Variants in ARID4B observed in about 807,000 individuals in gnomAD.
ARID4B encodes AT-rich interaction domain 4B, also known as AT-rich interactive domain-containing protein 4B.
A neutral mutation model predicts 147.5 loss-of-function variants in ARID4B; 26 were observed. The ratio of observed to expected loss-of-function variants is 0.18; its 90% CI spans 0.13 to 0.24. The LOEUF (loss-of-function observed/expected upper bound fraction) is 0.24, where lower values mean the gene tolerates loss of function less well. ARID4B is among the 10% of genes least tolerant of loss of function. The pLI is 1.00. For synonymous variants in ARID4B, 512 were observed against 507.9 expected (o/e 1.01, Z -0.11); for missense variants, 1,179 against 1,511.5 (o/e 0.78, Z 3.65).
intron 13 of ARID4B, among the ~76,000 whole-genome samples, chr1:235,221,937 T>A (rs1667502344): frequency 7.2e-6 from 1 of 139,626 alleles, no homozygotes; most frequent in Non-Finnish European, 1.5e-5. Context: ...AGGATCTTAT[T>A]CTATTGCCTA....
In ARID4B at chr1:235,195,903, A is replaced by T. The variant is rs564893099; in HGVS notation, c.1926+128T>A. On this transcript the variant is annotated intron_variant, in intron 18 of 23. Transcript: ENST00000264183. Reference sequence around the variant, plus strand: ...TCCCTAACCTGACAAAATTAATTATATACAAATCTAGCATTTGAAAAATGT... The same window carrying T: ...TCCCTAACCTGACAAAATTAATTATTTACAAATCTAGCATTTGAAAAATGT... 3.6e-4 allele frequency: 229 copies of T among 628,148 alleles called. 2 individuals are homozygous for T. The South Asian group carries it at 4.3e-3, about 12-fold the overall frequency. The allele number at this position is 628,148 out of a possible 1,614,324, so 38.9% of individuals were successfully genotyped here.
intron 7 of ARID4B, among the ~76,000 whole-genome samples, chr1:235,241,425 C>A (rs1206155203): frequency 3.3e-5 from 5 of 152,132 alleles, no homozygotes; most frequent in African/African-American, 1.2e-4. Flanking sequence ...CTAGTATACT[C>A]TGAAGTTGTC....
chr1:235,172,016 T>C (rs1391677823), intron 23 of ARID4B, among the ~76,000 whole-genome samples: 2 of 152,206 alleles, frequency 1.3e-5, no homozygotes, highest in Admixed American at 1.3e-4. Context: ...CCATTTGTAA[T>C]CTAAAGTAAC....
chr1:235,192,486 A>T (rs528910163), intron 19 of ARID4B, among the ~76,000 whole-genome samples: 201 of 152,144 alleles, frequency 1.3e-3, no homozygotes, highest in African/African-American at 4.7e-3. Flanking sequence ...AAATCAATTT[A>T]AAAATATTGC....
intron 16 of ARID4B, among the ~76,000 whole-genome samples, chr1:235,214,837 CT>C (rs10657168): frequency 3.9e-4 from 40 of 102,324 alleles, no homozygotes; most frequent in African/African-American, 1.2e-3. Context: ...GTATTACATC[CT>C]TTTTTTTTTT....
At chr1:235,206,658 C>T (rs959911506) in intron 17 of ARID4B, among the ~76,000 whole-genome samples, 2 of 152,158 alleles carry the variant, frequency 1.3e-5, no homozygotes, top group African/African-American at 2.4e-5. Context: ...AAGCATATCA[C>T]GGAAGGAGTG....
chr1:235,316,279 G>A (rs374167484), intron 2 of ARID4B, among the ~76,000 whole-genome samples: 13 of 151,508 alleles, frequency 8.6e-5, no homozygotes, highest in Admixed American at 5.3e-4. Flanking sequence ...AGGCTGAGGC[G>A]GGCGGATCAC....
At chr1:235,294,664 T>C (rs1672570129) in intron 2 of ARID4B, among the ~76,000 whole-genome samples, 1 of 150,288 alleles carries the variant, frequency 6.7e-6, no homozygotes, top group African/African-American at 2.4e-5. Flanking sequence ...AGGCGCTTGC[T>C]ACCACACCCG....
chr1:235,202,990 C>G (rs1666055611), intron 17 of ARID4B, among the ~76,000 whole-genome samples: 1 of 152,234 alleles, frequency 6.6e-6, no homozygotes. Flanking sequence ...TCAACAAACA[C>G]AGCCCTTGCC....
intron 5 of ARID4B, 63 bp from the exon 6 acceptor site, chr1:235,252,872 T>G: frequency 7.3e-7 from 1 of 1,365,784 alleles, no homozygotes; most frequent in Non-Finnish European, 1.0e-6. Context: ...AGAGATGACA[T>G]GTATTACAAT....
At chr1:235,249,480 C>T (rs1270239086) in intron 6 of ARID4B, among the ~76,000 whole-genome samples, 1 of 151,966 alleles carries the variant, frequency 6.6e-6, no homozygotes, top group African/African-American at 2.4e-5. Context: ...TGGCTAAAAC[C>T]AGTGGCTTCA....
chr1:235,177,590 A>C (rs754762510), intron 21 of ARID4B: 16 of 429,810 alleles, frequency 3.7e-5, no homozygotes, highest in Non-Finnish European at 6.2e-5. Context: ...CTCATCATTT[A>C]CATTAGGTAT....
At chr1:235,260,914 TA>T (rs1283545512) in intron 2 of ARID4B, among the ~76,000 whole-genome samples, 162 bp from the exon 3 acceptor site, 4 of 152,104 alleles carry the variant, frequency 2.6e-5, no homozygotes, top group Non-Finnish European at 5.9e-5. Context: ...AAAAAACAAG[TA>T]AAATGTTTAT....
chr1:235,300,587 A>G (rs548181990), intron 2 of ARID4B, among the ~76,000 whole-genome samples: 47 of 152,340 alleles, frequency 3.1e-4, no homozygotes, highest in African/African-American at 1.1e-3. Context: ...AGAAGACAAC[A>G]TAACACATAC....
At chr1:235,205,956 T>C (rs1386566406) in intron 17 of ARID4B, among the ~76,000 whole-genome samples, 1 of 152,114 alleles carries the variant, frequency 6.6e-6, no homozygotes, top group Non-Finnish European at 1.5e-5. Context: ...GACAGTTCCT[T>C]AGAATGTGAA....
intron 2 of ARID4B, among the ~76,000 whole-genome samples, chr1:235,270,232 G>A (rs974513016): frequency 1.3e-5 from 2 of 152,032 alleles, no homozygotes; most frequent in Non-Finnish European, 2.9e-5. Flanking sequence ...GCAGTGAGCC[G>A]AGATCATGCC....
rs1369099624 is a variant in ARID4B at position 235,195,362 on chromosome 1, G to A, written c.1926+669C>T. On this transcript the variant is annotated intron_variant, in intron 18 of 23. Transcript: ENST00000264183. ...AATCCCGGCATTTTGGGAGGCCAAG[G>A]CGGGCGGATCACCTGAGGTCAGAAG... Among the ~76,000 whole-genome samples, 4 of 152,252 alleles carry A rather than the reference G, an allele frequency of 2.6e-5. No individual in the cohort carries two copies. The South Asian group carries it at 8.3e-4, about 32-fold the overall frequency.
chr1:235,263,280 T>C (rs1409987600), intron 2 of ARID4B, among the ~76,000 whole-genome samples: 1 of 152,218 alleles, frequency 6.6e-6, no homozygotes, highest in Non-Finnish European at 1.5e-5. Flanking sequence ...CTGAGGAACA[T>C]ATAAAAATTT....
intron 16 of ARID4B, among the ~76,000 whole-genome samples, chr1:235,218,967 G>A (rs998706301): frequency 1.3e-5 from 2 of 149,442 alleles, no homozygotes; most frequent in African/African-American, 4.9e-5. Context: ...CAGGGTTCAA[G>A]AGATTCTCCT....
Sources: gnomAD v4.1 joint callset for allele counts (sites outside exome capture counted in the v4.1 genomes callset) on GRCh38, gnomAD v4.1.1 for gene constraint, MANE v1.5 for transcripts, NCBI Gene and HGNC (gene_info 2026-07-23, HGNC 2026-07-21) for gene names.